The following CSMD1 variants were observed in gnomAD, a reference collection of about 807,000 sequenced individuals.
The protein encoded by CSMD1 is CUB and sushi domain-containing protein 1.
In CSMD1, 213 loss-of-function variants were observed where a neutral mutation model predicts 417.5. That is an observed-to-expected ratio of 0.51 (90% CI 0.46 to 0.57). The LOEUF (loss-of-function observed/expected upper bound fraction) is 0.57. Among genes scored for constraint, CSMD1 ranks in the 20% least tolerant of loss-of-function variants. The pLI, the probability that CSMD1 is intolerant of heterozygous loss-of-function variation, is 0.00. For missense variants in CSMD1, 6,923 were observed against 4,529.7 expected (o/e 1.53, Z -15.17); for synonymous variants, 2,862 against 1,736.8 (o/e 1.65, Z -16.11).
chr8:4,293,418 G>A (rs929151427), intron 3 of CSMD1, among the ~76,000 whole-genome samples: 4 of 152,020 alleles, frequency 2.6e-5, no homozygotes, highest in African/African-American at 4.8e-5. Context: ...CCAAAGCTAC[G>A]GCTAAAAAGT....
chr8:4,964,444 A>AG (rs1809714324), intron 1 of CSMD1, among the ~76,000 whole-genome samples: 3 of 136,304 alleles, frequency 2.2e-5, no homozygotes, highest in Non-Finnish European at 3.1e-5. Flanking sequence ...ACCTGATCCC[A>AG]GGAGGTCGAG....
chr8:3,953,003 T>C (rs1299586268), intron 5 of CSMD1, among the ~76,000 whole-genome samples: 1 of 151,800 alleles, frequency 6.6e-6, no homozygotes, highest in Non-Finnish European at 1.5e-5. Flanking sequence ...AATAACATTA[T>C]TTAAAAAAAT....
chr8:4,690,190 T>C (rs1489690470), intron 1 of CSMD1, among the ~76,000 whole-genome samples: 2 of 152,308 alleles, frequency 1.3e-5, no homozygotes, highest in Admixed American at 1.3e-4. Flanking sequence ...TACATGTCAG[T>C]GCAGTTTTTT....
chr8:4,700,345 T>C (rs971318550), intron 1 of CSMD1, among the ~76,000 whole-genome samples: 2 of 151,936 alleles, frequency 1.3e-5, no homozygotes, highest in Non-Finnish European at 2.9e-5. Context: ...TTATTTATAA[T>C]ACATATTATA....
At position 3,463,361 on chromosome 8, in the gene CSMD1, C is replaced by G. The variant is rs552540146; in HGVS notation, c.1561+5351G>C. On this transcript the variant is annotated intron_variant, in intron 12 of 69. Coordinates refer to ENST00000635120, the MANE Select transcript of CSMD1 (RefSeq NM_033225.6). ...AAGCCCTTGGAAAAAAATGTTAAATCCACCTTAGATATAAGGCTGTATGTG... is the reference window on the plus strand; with the variant it reads ...AAGCCCTTGGAAAAAAATGTTAAATGCACCTTAGATATAAGGCTGTATGTG... Among the ~76,000 whole-genome samples, 20 of 152,286 alleles carry G rather than the reference C, an allele frequency of 1.3e-4. No individual in the cohort carries two copies. In the South Asian group the frequency reaches 2.9e-3, roughly 22 times the overall value.
chr8:3,568,561 G>A (rs1433603837), intron 10 of CSMD1, among the ~76,000 whole-genome samples: 2 of 152,052 alleles, frequency 1.3e-5, no homozygotes, highest in African/African-American at 4.8e-5. Flanking sequence ...CTGAAATTAT[G>A]TCACCACAGA....
At chr8:4,331,962 C>A (rs1416511964) in intron 3 of CSMD1, among the ~76,000 whole-genome samples, 3 of 152,156 alleles carry the variant, frequency 2.0e-5, no homozygotes, top group Non-Finnish European at 2.9e-5. Flanking sequence ...AATTCATTTT[C>A]ATTTTTATGC....
intron 20 of CSMD1, among the ~76,000 whole-genome samples, chr8:3,362,624 C>A (rs1261582811): frequency 6.6e-6 from 1 of 152,166 alleles, no homozygotes; most frequent in Non-Finnish European, 1.5e-5. Flanking sequence ...GTTATATGAA[C>A]TGAAGACTCT....
chr8:4,605,318 C>A (rs1320862103), intron 2 of CSMD1, among the ~76,000 whole-genome samples: 1 of 152,044 alleles, frequency 6.6e-6, no homozygotes, highest in East Asian at 1.9e-4. Context: ...AGGGTGGGTT[C>A]TCTTGAAGCA....
At chr8:2,947,318 A>G (rs560295485) in intron 68 of CSMD1, among the ~76,000 whole-genome samples, 1 of 152,282 alleles carries the variant, frequency 6.6e-6, no homozygotes, top group East Asian at 1.9e-4. Context: ...TTATCTACTG[A>G]CTAGAGAAAA....
rs183130376 is a variant in CSMD1 at position 4,361,242 on chromosome 8, G to A, written c.415+58711C>T. Among the ~76,000 whole-genome samples, 11 of 152,064 alleles carry A rather than the reference G, an allele frequency of 7.2e-5. No homozygotes were observed. The East Asian group carries it at 1.5e-3, about 21-fold the overall frequency. ...GAATACCTAAGTTACTCAAAAAGCA[G>A]GAAGGAAAAGGCGTAAAAGAAAATA... On this transcript the variant is annotated intron_variant, in intron 3 of 69. Coordinates refer to ENST00000635120, the MANE Select transcript of CSMD1 (RefSeq NM_033225.6).
chr8:3,760,848 C>A (rs181719566), intron 5 of CSMD1, among the ~76,000 whole-genome samples: 1 of 152,254 alleles, frequency 6.6e-6, no homozygotes, highest in East Asian at 1.9e-4. Context: ...TTGGGAGAGG[C>A]TTTAAATGAT....
chr8:4,423,774 G>T (rs1154043), intron 2 of CSMD1, among the ~76,000 whole-genome samples: 1,741 of 152,000 alleles, frequency 0.011, 31 homozygotes, highest in African/African-American at 0.039. Context: ...TGCGAGAGAA[G>T]AATAAAGCAG....
intron 4 of CSMD1, among the ~76,000 whole-genome samples, chr8:4,002,725 G>C (rs1222176190): frequency 6.6e-6 from 1 of 152,128 alleles, no homozygotes; most frequent in African/African-American, 2.4e-5. Flanking sequence ...ATGATTAAAT[G>C]TACATCATAA....
chr8:3,347,443 G>C (rs904590559), intron 22 of CSMD1, among the ~76,000 whole-genome samples: 7 of 152,126 alleles, frequency 4.6e-5, no homozygotes, highest in African/African-American at 1.2e-4. Flanking sequence ...GTCCTGGCTT[G>C]GCTTCTCCTC....
chr8:3,592,326 G>C (rs984420243), intron 8 of CSMD1, among the ~76,000 whole-genome samples: 11 of 151,890 alleles, frequency 7.2e-5, no homozygotes, highest in African/African-American at 2.7e-4. Flanking sequence ...AAATATAAAA[G>C]GAATATATAT....
intron 1 of CSMD1, among the ~76,000 whole-genome samples, chr8:4,794,311 A>G (rs34013236): frequency 0.33 from 49,457 of 152,138 alleles, 8,697 homozygotes; most frequent in Admixed American, 0.43. Flanking sequence ...TTTTGTTAAA[A>G]GAAGGTCTCT....
chr8:4,796,727 A>T (rs1365091398), intron 1 of CSMD1, among the ~76,000 whole-genome samples: 1 of 152,144 alleles, frequency 6.6e-6, no homozygotes, highest in East Asian at 1.9e-4. Context: ...AGGGCTCAAA[A>T]TCCCTCCCAT....
intron 2 of CSMD1, among the ~76,000 whole-genome samples, chr8:4,611,433 A>G (rs1225781237): frequency 2.6e-5 from 4 of 152,198 alleles, no homozygotes; most frequent in Non-Finnish European, 4.4e-5. Context: ...CTCCACTGCC[A>G]TAAACATTTC....
Sources: allele counts gnomAD v4.1 joint callset (sites outside exome capture counted in the v4.1 genomes callset), GRCh38; gene constraint gnomAD v4.1.1; transcripts MANE v1.5; gene names NCBI Gene and HGNC (gene_info 2026-07-23, HGNC 2026-07-21).